Variants in MB21D2 observed in about 807,000 individuals in gnomAD.
The protein encoded by MB21D2 is nucleotidyltransferase MB21D2.
Under a neutral mutation model 33.3 loss-of-function variants are expected in MB21D2, and 9 were observed. The observed-to-expected ratio is 0.27, with a 90% CI of 0.16 to 0.47. The LOEUF (loss-of-function observed/expected upper bound fraction) is 0.47. Ranked by LOEUF, MB21D2 falls within the 20% of genes least tolerant of loss-of-function variation. The pLI is 0.99. For synonymous variants in MB21D2, 241 were observed against 236.3 expected (o/e 1.02, Z -0.18); for missense variants, 540 against 624.6 (o/e 0.86, Z 1.44).
chr3:192,843,056 G>A (rs1712608202), intron 1 of MB21D2, among the ~76,000 whole-genome samples: 2 of 152,114 alleles, frequency 1.3e-5, no homozygotes. Context: ...ATGCATGGGA[G>A]GTCTTTTAGC....
In MB21D2 at chr3:192,813,993, T is replaced by A. The variant is rs546837256; in HGVS notation, c.212-14343A>T. On this transcript the variant is annotated intron_variant, in intron 1 of 1. Transcript: ENST00000392452. ...CAATAACCAAGTGCTTAATAGCTATTAATCAATTTTCCACATGGCTTATTA... is the reference window on the plus strand; with the variant it reads ...CAATAACCAAGTGCTTAATAGCTATAAATCAATTTTCCACATGGCTTATTA... Among the ~76,000 whole-genome samples, 128 of 152,320 alleles carry A rather than the reference T, an allele frequency of 8.4e-4. 1 individual carries two copies. The highest frequency in any genetic ancestry group is 3.0e-3 in the African/African-American group (123 of 41,552).
chr3:192,864,116 C>T (rs1345340305), intron 1 of MB21D2, among the ~76,000 whole-genome samples: 1 of 152,188 alleles, frequency 6.6e-6, no homozygotes, highest in Non-Finnish European at 1.5e-5. Flanking sequence ...CAGTGGGTAT[C>T]AGGGAAAGCT....
At chr3:192,870,795 A>AAAACC (rs1713279088) in intron 1 of MB21D2, among the ~76,000 whole-genome samples, 2 of 151,962 alleles carry the variant, frequency 1.3e-5, no homozygotes, top group Non-Finnish European at 2.9e-5. Flanking sequence ...AAAAAAATGC[A>AAAACC]AAACCGATGT....
intron 1 of MB21D2, among the ~76,000 whole-genome samples, chr3:192,821,896 T>A (rs75147443): frequency 1.3e-5 from 2 of 151,978 alleles, no homozygotes; most frequent in African/African-American, 4.8e-5. Flanking sequence ...CTGTGCTCAA[T>A]TTTTTTCTCT....
chr3:192,913,252 C>G (rs1185967846), intron 1 of MB21D2, among the ~76,000 whole-genome samples: 1 of 149,896 alleles, frequency 6.7e-6, no homozygotes, highest in Non-Finnish European at 1.5e-5. Context: ...AAAAAACTAG[C>G]CAGGCGTGGT....
chr3:192,857,796 A>G (rs914125051), intron 1 of MB21D2, among the ~76,000 whole-genome samples: 6 of 152,210 alleles, frequency 3.9e-5, no homozygotes, highest in African/African-American at 1.4e-4. Context: ...AATTCAGTTC[A>G]TAAGTCAATG....
Position 192,876,536 on chromosome 3 carries a change from A to C in MB21D2, c.211+41094T>G, listed in dbSNP as rs143724559. ...CACCGCTTCTCAACCTTGTAGCCACAGTGGTTGGTCTTCCAAAAGGGCATT... is the reference window on the plus strand; with the variant it reads ...CACCGCTTCTCAACCTTGTAGCCACCGTGGTTGGTCTTCCAAAAGGGCATT... On this transcript the variant is annotated intron_variant, in intron 1 of 1. Transcript: ENST00000392452. Among the ~76,000 whole-genome samples the C allele has an allele frequency of 7.7e-3, 1,170 of 152,276 alleles. 11 individuals are homozygous for C. Among genetic ancestry groups the C allele is most frequent in the African/African-American group, 0.027 (1,111 of 41,540 alleles).
chr3:192,885,098 A>C (rs1284508312), intron 1 of MB21D2, among the ~76,000 whole-genome samples: 1 of 152,114 alleles, frequency 6.6e-6, no homozygotes, highest in Non-Finnish European at 1.5e-5. Flanking sequence ...AGGGAAATGA[A>C]ATCATAATAG....
At chr3:192,855,501 T>C (rs149761863) in intron 1 of MB21D2, among the ~76,000 whole-genome samples, 6 of 152,366 alleles carry the variant, frequency 3.9e-5, no homozygotes, top group African/African-American at 1.4e-4. Context: ...TGCGATTCAC[T>C]TTATTGCAAT....
intron 1 of MB21D2, among the ~76,000 whole-genome samples, chr3:192,832,563 G>A (rs183758487): frequency 7.9e-4 from 120 of 152,194 alleles, no homozygotes; most frequent in Non-Finnish European, 1.0e-3. Context: ...AGGCTGAGGC[G>A]GGCGGATCAC....
At chr3:192,824,652 C>T (rs1470066088) in intron 1 of MB21D2, among the ~76,000 whole-genome samples, 1 of 152,152 alleles carries the variant, frequency 6.6e-6, no homozygotes, top group East Asian at 1.9e-4. Flanking sequence ...TTCAGCTATG[C>T]AGCCCACAGC....
chr3:192,841,454 T>G (rs1430259546), intron 1 of MB21D2, among the ~76,000 whole-genome samples: 3 of 152,256 alleles, frequency 2.0e-5, no homozygotes, highest in Non-Finnish European at 2.9e-5. Context: ...CTGTCTGTCT[T>G]TCTCTCATCA....
intron 1 of MB21D2, among the ~76,000 whole-genome samples, chr3:192,823,699 C>T (rs994906133): frequency 6.6e-6 from 1 of 152,054 alleles, no homozygotes; most frequent in Non-Finnish European, 1.5e-5. Context: ...CAGAGCTTGA[C>T]AGGAAAAAGA....
chr3:192,893,611 CAGCACTT>C (rs1713901755), intron 1 of MB21D2, among the ~76,000 whole-genome samples: 1 of 152,218 alleles, frequency 6.6e-6, no homozygotes, highest in African/African-American at 2.4e-5. Flanking sequence ...TAACAATTCT[CAGCACTT>C]AGCACTTAGC....
intron 1 of MB21D2, among the ~76,000 whole-genome samples, chr3:192,900,747 C>A (rs1714080021): frequency 6.6e-6 from 1 of 152,006 alleles, no homozygotes; most frequent in Admixed American, 6.6e-5. Context: ...TCGAGACAAG[C>A]CTGGCCAACA....
At chr3:192,866,364 C>A (rs1713167819) in intron 1 of MB21D2, among the ~76,000 whole-genome samples, 1 of 152,118 alleles carries the variant, frequency 6.6e-6, no homozygotes, top group Admixed American at 6.5e-5. Flanking sequence ...ATTAAAAAAA[C>A]AAAAGAACAT....
rs142737613 is a variant in MB21D2 at position 192,894,764 on chromosome 3, C to T, written c.211+22866G>A. On this transcript the variant is annotated intron_variant, in intron 1 of 1. Transcript: ENST00000392452. ...TTTGCTGCTTCCCACCCCATTCTTC[C>T]ATCTCTCACCTGAGTAGCAGGTGCA... Among the ~76,000 whole-genome samples, 271 of 152,250 alleles carry T rather than the reference C, an allele frequency of 1.8e-3. 1 individual carries two copies. The highest frequency in any genetic ancestry group is 6.3e-3 in the African/African-American group (261 of 41,548).
chr3:192,804,481 G>C (rs1349852112), intron 1 of MB21D2, among the ~76,000 whole-genome samples: 1 of 151,556 alleles, frequency 6.6e-6, no homozygotes, highest in African/African-American at 2.4e-5. Context: ...GTTGAAGGGA[G>C]AAAGGTTTAT....
intron 1 of MB21D2, among the ~76,000 whole-genome samples, chr3:192,872,134 G>A (rs926718636): frequency 1.3e-5 from 2 of 152,208 alleles, no homozygotes; most frequent in South Asian, 2.1e-4. Context: ...AAGTTTACTC[G>A]TTTATTACTC....
Sources: gnomAD v4.1 joint callset for allele counts (sites outside exome capture counted in the v4.1 genomes callset) on GRCh38, gnomAD v4.1.1 for gene constraint, MANE v1.5 for transcripts, NCBI Gene and HGNC (gene_info 2026-07-23, HGNC 2026-07-21) for gene names.